Variants in ANKS1B observed in about 807,000 individuals in gnomAD.
ANKS1B encodes ankyrin repeat and sterile alpha motif domain-containing protein 1B.
A neutral mutation model predicts 148.3 loss-of-function variants in ANKS1B; 36 were observed. The observed-to-expected ratio is 0.24, with a 90% confidence interval of 0.19 to 0.32. The LOEUF (loss-of-function observed/expected upper bound fraction) is 0.32. Ranked by LOEUF, ANKS1B falls within the 10% of genes least tolerant of loss-of-function variation. The pLI, the probability that ANKS1B is intolerant of heterozygous loss-of-function variation, is 1.00. For missense variants in ANKS1B, 1,157 were observed against 1,542.6 expected, an observed-to-expected ratio of 0.75 and a Z score of 4.19; for synonymous variants, 542 against 560.8, an observed-to-expected ratio of 0.97 and a Z score of 0.47.
intron 12 of ANKS1B, among the ~76,000 whole-genome samples, chr12:99,299,519 A>T (rs529730080): frequency 2.0e-5 from 3 of 152,306 alleles, no homozygotes; most frequent in African/African-American, 7.2e-5. Context: ...AATAAAAATG[A>T]AAACTATAAC....
rs936582795 is a variant in ANKS1B, at chr12:98,832,050, G to C, written c.2865C>G (p.Pro955=). 1.9e-6 allele frequency: 3 copies of C among 1,595,880 alleles called. No homozygotes were observed. The highest frequency in any genetic ancestry group is 2.6e-6 in the Non-Finnish European group (3 of 1,170,964). Reference sequence around the variant, plus strand: ...TTACCCTGAGGGTGATGGACCGAGGGGGCTTCTGTGGGGGATCGTCGTGCA... The same window carrying C: ...TTACCCTGAGGGTGATGGACCGAGGCGGCTTCTGTGGGGGATCGTCGTGCA... The part of the protein sequence containing the change: ...DRLHDDPPQK[P]PRSITLREPS... Residue 955 remains proline, a synonymous_variant, in exon 18 of 27, where the codon CCC becomes CCG. Transcript: ENST00000683438.
At chr12:99,742,289 T>G (rs2060194497) in intron 8 of ANKS1B, among the ~76,000 whole-genome samples, 1 of 146,638 alleles carries the variant, frequency 6.8e-6, no homozygotes, top group African/African-American at 2.5e-5. Context: ...GCAAAGACAA[T>G]AAATGATGTA....
intron 17 of ANKS1B, among the ~76,000 whole-genome samples, chr12:98,872,922 T>C (rs2099675529): frequency 6.6e-6 from 1 of 152,218 alleles, no homozygotes. Context: ...TGCCTGTGTT[T>C]CATGCCAACT....
At chr12:99,201,969 T>C (rs1195517841) in intron 14 of ANKS1B, among the ~76,000 whole-genome samples, 1 of 152,072 alleles carries the variant, frequency 6.6e-6, no homozygotes, top group Non-Finnish European at 1.5e-5. Flanking sequence ...ACATCTATTA[T>C]ATATGTACCA....
At chr12:99,371,862 G>A (rs574016225) in intron 12 of ANKS1B, among the ~76,000 whole-genome samples, 1 of 152,172 alleles carries the variant, frequency 6.6e-6, no homozygotes, top group East Asian at 1.9e-4. Context: ...AATGGCACCT[G>A]TACTAATAAT....
intron 12 of ANKS1B, among the ~76,000 whole-genome samples, chr12:99,287,807 A>C (rs1389345823): frequency 6.6e-6 from 1 of 152,214 alleles, no homozygotes; most frequent in East Asian, 1.9e-4. Flanking sequence ...GAGTTGATCA[A>C]ACAGAAGAAA....
At chr12:99,636,921 C>T (rs2098242900) in intron 9 of ANKS1B, among the ~76,000 whole-genome samples, 1 of 152,088 alleles carries the variant, frequency 6.6e-6, no homozygotes, top group South Asian at 2.1e-4. Flanking sequence ...TAATTTGATT[C>T]ACATGAGAAA....
intron 17 of ANKS1B, among the ~76,000 whole-genome samples, chr12:98,867,938 A>G (rs571497664): frequency 6.6e-6 from 1 of 152,166 alleles, no homozygotes; most frequent in Non-Finnish European, 1.5e-5. Flanking sequence ...TATGGGAGGT[A>G]AAGCATTCTC....
intron 12 of ANKS1B, among the ~76,000 whole-genome samples, chr12:99,393,238 G>A (rs1371813543): frequency 6.6e-6 from 1 of 152,180 alleles, no homozygotes; most frequent in Non-Finnish European, 1.5e-5. Flanking sequence ...CAACCATTAA[G>A]GGGACCCAAG....
chr12:99,156,047 T>C (rs982345741), intron 14 of ANKS1B, among the ~76,000 whole-genome samples: 37 of 152,192 alleles, frequency 2.4e-4, no homozygotes, highest in African/African-American at 8.9e-4. Context: ...TACAAATTTA[T>C]TGAATAAATG....
At chr12:99,157,899 G>T (rs183854903) in intron 14 of ANKS1B, among the ~76,000 whole-genome samples, 1 of 152,142 alleles carries the variant, frequency 6.6e-6, no homozygotes, top group African/African-American at 2.4e-5. Context: ...ACAACTCAGA[G>T]AAAATACTGG....
intron 19 of ANKS1B, among the ~76,000 whole-genome samples, chr12:98,828,537 T>A (rs2099269077): frequency 6.6e-6 from 1 of 152,192 alleles, no homozygotes; most frequent in African/African-American, 2.4e-5. Flanking sequence ...GAATGTACAT[T>A]AAGAACAGCG....
intron 17 of ANKS1B, among the ~76,000 whole-genome samples, chr12:98,879,086 T>C (rs1205626717): frequency 6.6e-6 from 1 of 152,236 alleles, no homozygotes; most frequent in Non-Finnish European, 1.5e-5. Flanking sequence ...CTTTAAGTTC[T>C]TGTTGTTAAA....
chr12:99,508,335 A>T (rs1019515147), intron 9 of ANKS1B, among the ~76,000 whole-genome samples: 1 of 151,800 alleles, frequency 6.6e-6, no homozygotes, highest in Non-Finnish European at 1.5e-5. Context: ...AGTGATGGGG[A>T]AGAGTCAAGA....
intron 15 of ANKS1B, among the ~76,000 whole-genome samples, chr12:99,099,058 C>G (rs1023147341): frequency 1.3e-5 from 2 of 152,112 alleles, no homozygotes; most frequent in African/African-American, 4.8e-5. Context: ...GTCTCTCTAT[C>G]TTTAGTCCTG....
chr12:99,052,684 C>A lies in ANKS1B; in HGVS notation c.2778+473G>T, dbSNP rs1179690271. 1.4e-3 allele frequency among the ~76,000 whole-genome samples: 164 copies of A among 119,366 alleles called. 3 individuals carry two copies. Among genetic ancestry groups the A allele is most frequent in the African/African-American group, 5.1e-3 (160 of 31,354 alleles). The allele number at this position is 119,366 out of a possible 152,430, so 78.3% of individuals were successfully genotyped here. Reference sequence around the variant, plus strand: ...CGGAGCTTGCAGTGAGCCGAGATTGCGCCACTGCAGTCCGCAGTCCGACCT... The same window carrying A: ...CGGAGCTTGCAGTGAGCCGAGATTGAGCCACTGCAGTCCGCAGTCCGACCT... On this transcript the variant is annotated intron_variant, in intron 17 of 26. Coordinates refer to ENST00000683438, the MANE Select transcript of ANKS1B (RefSeq NM_001352186.2).
intron 10 of ANKS1B, among the ~76,000 whole-genome samples, chr12:99,454,247 G>A (rs953211502): frequency 1.3e-5 from 2 of 152,066 alleles, no homozygotes; most frequent in South Asian, 4.1e-4. Flanking sequence ...TTCTATTTAG[G>A]AAAAAAAGTC....
intron 4 of ANKS1B, among the ~76,000 whole-genome samples, chr12:99,800,771 G>T (rs1438525216): frequency 6.6e-6 from 1 of 152,114 alleles, no homozygotes; most frequent in Non-Finnish European, 1.5e-5. Context: ...TCATCTGATA[G>T]ATATGTCCAG....
intron 14 of ANKS1B, among the ~76,000 whole-genome samples, chr12:99,215,003 C>A (rs1335164721): frequency 6.6e-6 from 1 of 152,136 alleles, no homozygotes; most frequent in Non-Finnish European, 1.5e-5. Context: ...GATTAGGGTA[C>A]CTGGTGGAAG....
Sources: allele counts gnomAD v4.1 joint callset (sites outside exome capture counted in the v4.1 genomes callset), GRCh38; gene constraint gnomAD v4.1.1; transcripts MANE v1.5; gene names NCBI Gene and HGNC (gene_info 2026-07-23, HGNC 2026-07-21).